FARP2: variants seen among roughly 807,000 people sequenced by gnomAD.
FARP2 encodes the protein FERM, ARHGEF and pleckstrin domain-containing protein 2.
In FARP2, 111 loss-of-function variants were observed where a neutral mutation model predicts 130.5. The ratio of observed to expected loss-of-function variants is 0.85; its 90% CI spans 0.73 to 1.00. FARP2 has a LOEUF of 1.00. FARP2 is among the 50% of genes least tolerant of loss of function. The pLI, the probability that FARP2 is intolerant of heterozygous loss-of-function variation, is 0.00. For synonymous variants in FARP2, 504 were observed against 516.9 expected, an observed-to-expected ratio of 0.98 and a Z score of 0.34; for missense variants, 1,385 against 1,346.3, an observed-to-expected ratio of 1.03 and a Z score of -0.45.
At chr2:241,392,306 C>T (rs187002751) in intron 2 of FARP2, among the ~76,000 whole-genome samples, 33 of 152,310 alleles carry the variant, frequency 2.2e-4, no homozygotes, top group African/African-American at 6.7e-4. Flanking sequence ...GCAAAGCCAG[C>T]TTGTGTAAAA....
chr2:241,425,335 TTTAA>T (rs1356839847), intron 8 of FARP2, among the ~76,000 whole-genome samples: 20 of 151,680 alleles, frequency 1.3e-4, no homozygotes, highest in Admixed American at 5.9e-4. Flanking sequence ...ATAAATGAGA[TTTAA>T]TTAAACTGAA....
chr2:241,411,027 T>C lies in FARP2; in HGVS notation c.411-6T>C. 1 of 1,589,818 alleles carries C rather than the reference T, an allele frequency of 6.3e-7. No individual in the cohort carries two copies. Among genetic ancestry groups the C allele is most frequent in the South Asian group, 1.1e-5 (1 of 89,266 alleles). On this transcript the variant is annotated splice_region_variant and splice_polypyrimidine_tract_variant and intron_variant, in intron 5 of 26. Transcript: ENST00000264042. ...GATCTCTGTCTTATTTTGAACTCTC[T>C]TCTAGATACTTGTTTGCCTTGCAAC...
At chr2:241,412,417 G>T (rs1226240670) in intron 6 of FARP2, among the ~76,000 whole-genome samples, 1 of 152,154 alleles carries the variant, frequency 6.6e-6, no homozygotes, top group Non-Finnish European at 1.5e-5. Context: ...CCATACTGAA[G>T]TATGGCAAGT....
intron 11 of FARP2, 29 bp downstream of exon 11, chr2:241,435,059 G>A (rs766906007): frequency 1.5e-6 from 2 of 1,347,282 alleles, no homozygotes; most frequent in Non-Finnish European, 2.1e-6. Context: ...GATGTAAAGT[G>A]TGTGCTTTTA....
chr2:241,357,739 A>G (rs1271556796), intron 1 of FARP2, among the ~76,000 whole-genome samples: 3 of 152,206 alleles, frequency 2.0e-5, no homozygotes, highest in African/African-American at 4.8e-5. Context: ...CTGATGATGC[A>G]GTTTCCTGGA....
intron 2 of FARP2, among the ~76,000 whole-genome samples, chr2:241,380,206 G>C (rs958272903): frequency 6.6e-6 from 1 of 152,184 alleles, no homozygotes; most frequent in Admixed American, 6.5e-5. Flanking sequence ...TTTCAGGATC[G>C]CAGCAGAGGG....
chr2:241,428,318 T>C (rs2063008096), intron 8 of FARP2, among the ~76,000 whole-genome samples: 1 of 147,612 alleles, frequency 6.8e-6, no homozygotes, highest in African/African-American at 2.5e-5. Context: ...CACTGCAACC[T>C]GCGCCTCCTG....
rs201508647 is a variant in FARP2 at position 241,406,413 on chromosome 2, A to G, written c.332-1124A>G. On this transcript the variant is annotated intron_variant, in intron 4 of 26. Coordinates refer to ENST00000264042, the MANE Select transcript of FARP2 (RefSeq NM_014808.4). ...TGTGGGTATATATATGTCTGTGTGT[A>G]TATATATAGAGAGAGAGAGAGAGAG... Among the ~76,000 whole-genome samples, 416 of 120,336 alleles carry G rather than the reference A, an allele frequency of 3.5e-3. 5 individuals are homozygous for G. The highest frequency in any genetic ancestry group is 7.6e-3 in the Middle Eastern group (2 of 264). The allele number at this position is 120,336 out of a possible 152,430, so 78.9% of individuals were successfully genotyped here.
At chr2:241,403,075 A>G (rs2062236215) in intron 2 of FARP2, among the ~76,000 whole-genome samples, 1 of 148,292 alleles carries the variant, frequency 6.7e-6, no homozygotes, top group Non-Finnish European at 1.5e-5. Context: ...CACCTCCTTT[A>G]TGAACAGTTC....
intron 3 of FARP2, among the ~76,000 whole-genome samples, chr2:241,404,452 C>T (rs943993975): frequency 6.6e-6 from 1 of 152,134 alleles, no homozygotes; most frequent in Non-Finnish European, 1.5e-5. Context: ...TGCAGAAGCC[C>T]GCTCATCAGT....
At chr2:241,428,046 A>T (rs59018619) in intron 8 of FARP2, among the ~76,000 whole-genome samples, 12 of 151,424 alleles carry the variant, frequency 7.9e-5, no homozygotes, top group Admixed American at 2.0e-4. Flanking sequence ...GATTACAGGC[A>T]TGAGCCACCA....
chr2:241,371,733 C>T (rs1166687157), intron 1 of FARP2, among the ~76,000 whole-genome samples: 3 of 152,100 alleles, frequency 2.0e-5, no homozygotes, highest in African/African-American at 7.2e-5. Context: ...ATCTCACCTC[C>T]ACCAGTTTTG....
Position 241,398,465 on chromosome 2 carries a change from A to G in FARP2, c.184-5363A>G, listed in dbSNP as rs577443116. 2.9e-4 allele frequency among the ~76,000 whole-genome samples: 44 copies of G among 152,248 alleles called. No individual in the cohort carries two copies. In the South Asian group the frequency reaches 7.3e-3, roughly 25 times the overall value. On this transcript the variant is annotated intron_variant, in intron 2 of 26. Transcript: ENST00000264042. Reference sequence around the variant, plus strand: ...TTTGCTTGTTTGTTCGTTGCTGGGTAGTATTCCATTGTAAAAACAAATCAC... The same window carrying G: ...TTTGCTTGTTTGTTCGTTGCTGGGTGGTATTCCATTGTAAAAACAAATCAC...
intron 13 of FARP2, chr2:241,443,338 T>C (rs1243100423): frequency 6.6e-6 from 1 of 150,830 alleles, no homozygotes; most frequent in Non-Finnish European, 1.5e-5. Context: ...GATAGTGGTC[T>C]TGGAGAGGCG....
At chr2:241,454,792 T>G (rs1366762001) in intron 13 of FARP2, among the ~76,000 whole-genome samples, 4 of 152,220 alleles carry the variant, frequency 2.6e-5, no homozygotes, top group Non-Finnish European at 1.5e-5. Context: ...TTACCTAGGT[T>G]TTCTATAGCA....
chr2:241,438,839 C>T (rs531887010), intron 12 of FARP2, among the ~76,000 whole-genome samples: 13 of 151,884 alleles, frequency 8.6e-5, no homozygotes, highest in African/African-American at 3.1e-4. Flanking sequence ...ACTGTGTTAG[C>T]CAGGATGGTC....
rs752379260 is a variant in FARP2 at position 241,459,087 on chromosome 2, C to G, written c.1587+2165C>G. 1.1e-4 allele frequency among the ~76,000 whole-genome samples: 16 copies of G among 152,348 alleles called. No individual in the cohort carries two copies. The highest frequency in any genetic ancestry group is 2.0e-4 in the Admixed American group (3 of 15,306). Reference sequence around the variant, plus strand: ...GAGGGCTCTGGGCTCTGCTTCAATTCTGTGTGTGTGAGTTGAGATAGCAAG... The same window carrying G: ...GAGGGCTCTGGGCTCTGCTTCAATTGTGTGTGTGTGAGTTGAGATAGCAAG... On this transcript the variant is annotated intron_variant, in intron 14 of 26. Transcript: ENST00000264042. This position sits in a 1 kb window ranked among gnomAD's most constrained non-coding sequence, Gnocchi z 5.3.
intron 17 of FARP2, chr2:241,466,400 G>C (rs1559798627): frequency 1.0e-6 from 1 of 985,324 alleles, no homozygotes; most frequent in Non-Finnish European, 1.2e-6. Context: ...GTGGGTGCCA[G>C]GCCCGCTGTG....
At chr2:241,410,876 G>T in intron 5 of FARP2, 157 bp from the exon 6 acceptor site, 1 of 589,886 alleles carries the variant, frequency 1.7e-6, no homozygotes, top group Non-Finnish European at 3.1e-6. Context: ...AAGGCCTTTT[G>T]TGACTTTGCT....
Sources: allele counts gnomAD v4.1 joint callset (sites outside exome capture counted in the v4.1 genomes callset), GRCh38; gene constraint gnomAD v4.1.1; non-coding constraint Gnocchi (gnomAD v3.1); transcripts MANE v1.5; gene names NCBI Gene and HGNC (gene_info 2026-07-23, HGNC 2026-07-21).